GDAP1: variants seen among roughly 807,000 people sequenced by gnomAD.
GDAP1 encodes ganglioside induced differentiation associated protein 1, also known as ganglioside-induced differentiation-associated protein 1.
GDAP1 carries 34 observed loss-of-function variants against 40.1 expected under a neutral mutation model. The ratio of observed to expected loss-of-function variants is 0.85; its 90% CI spans 0.64 to 1.13. GDAP1 has a LOEUF of 1.13. Ranked by LOEUF, GDAP1 falls within the 50% of genes most tolerant of loss-of-function variation. The pLI is 0.00. For missense variants in GDAP1, 374 were observed against 433.7 expected (o/e 0.86, Z 1.22); for synonymous variants, 170 against 157.4 (o/e 1.08, Z -0.60).
At chr8:74,483,855 C>G (rs1408010310) in intron 2 of GDAP1, among the ~76,000 whole-genome samples, 1 of 152,158 alleles carries the variant, frequency 6.6e-6, no homozygotes, top group Non-Finnish European at 1.5e-5. Flanking sequence ...TCTCCTTCTG[C>G]TAAAGGCTGT....
intron 2 of GDAP1, among the ~76,000 whole-genome samples, chr8:74,422,370 C>T (rs185095989): frequency 0.015 from 1,781 of 115,450 alleles, 84 homozygotes; most frequent in African/African-American, 0.041. Flanking sequence ...TCCTTCCTTC[C>T]TTCCTTCCTT....
chr8:74,483,416 C>T (rs920516136), intron 2 of GDAP1, among the ~76,000 whole-genome samples: 8 of 152,084 alleles, frequency 5.3e-5, no homozygotes, highest in East Asian at 3.9e-4. Context: ...ATTACTTTTG[C>T]ACCAACCAAA....
chr8:74,423,894 G>T (rs1316320008), intron 2 of GDAP1, among the ~76,000 whole-genome samples: 3 of 152,112 alleles, frequency 2.0e-5, no homozygotes, highest in African/African-American at 7.2e-5. Context: ...AGAAGGGGAA[G>T]TTCCCTGGGT....
chr8:74,365,885 A>C lies in GDAP1; in HGVS notation c.*1518A>C. On this transcript the variant is annotated 3_prime_UTR_variant, in exon 6 of 6. Transcript: ENST00000220822. ...AAAATTTGCACATGAGTGTGTTGTC[A>C]TATGGAGTGTCTGAATCTGTTGCTG... The C allele has an allele frequency of 8.8e-6, 4 of 454,386 alleles. No individual in the cohort carries two copies. Among genetic ancestry groups the C allele is most frequent in the Non-Finnish European group, 1.3e-5 (3 of 226,788 alleles). The allele number at this position is 454,386 out of a possible 1,614,324, so 28.1% of individuals were successfully genotyped here.
intron 2 of GDAP1, among the ~76,000 whole-genome samples, chr8:74,409,005 A>G (rs549075244): frequency 6.7e-6 from 1 of 150,172 alleles, no homozygotes; most frequent in East Asian, 1.9e-4. Context: ...ATGTAGTCCC[A>G]GACTACCTTC....
chr8:74,357,979 A>C (rs984399145), intron 2 of GDAP1, among the ~76,000 whole-genome samples: 3 of 152,220 alleles, frequency 2.0e-5, no homozygotes, highest in Non-Finnish European at 2.9e-5. Context: ...AGCAGCAGAT[A>C]CTGTTGTGCT....
chr8:74,362,082 A>AGTTCACCG (rs758593282), intron 4 of GDAP1, 104 bp downstream of exon 4: 6 of 725,112 alleles, frequency 8.3e-6, no homozygotes, highest in Non-Finnish European at 1.5e-5. Context: ...TAAATATTGC[A>AGTTCACCG]GTTCACCAGT....
At position 74,364,221 on chromosome 8, in the gene GDAP1, G is replaced by T; in HGVS notation, c.931G>T (p.Val311Leu). ...TGCAGTGCTGCCAACAGCATTCCGG[G>T]TGGCCAAGAAAAGGGCCCCAAAAGT... ...ISAVLPTAFRVAKKRAPKVLG... is the reference protein window; with the variant it reads ...ISAVLPTAFRLAKKRAPKVLG... The change falls in exon 6 of 6, where the codon GTG becomes TTG. Residue 311 changes from valine to leucine, a missense_variant. Val to Leu is a conservative substitution (Grantham distance 32, BLOSUM62 1). Transcript: ENST00000220822. The T allele has an allele frequency of 6.2e-7, 1 of 1,614,170 alleles. No homozygotes were observed. The highest frequency in any genetic ancestry group is 8.5e-7 in the Non-Finnish European group (1 of 1,180,008).
intron 2 of GDAP1, among the ~76,000 whole-genome samples, chr8:74,467,662 T>G (rs1417018170): frequency 6.6e-6 from 1 of 152,092 alleles, no homozygotes; most frequent in Non-Finnish European, 1.5e-5. Context: ...GAGGTTGTAA[T>G]TATTGGAAAT....
intron 2 of GDAP1, among the ~76,000 whole-genome samples, chr8:74,356,716 A>ATATATATATATTT (rs375377157): frequency 4.8e-5 from 5 of 104,356 alleles, no homozygotes; most frequent in African/African-American, 1.7e-4. Context: ...ATATATATAT[A>ATATATATATATTT]TTTTTTTTTT....
intron 2 of GDAP1, among the ~76,000 whole-genome samples, chr8:74,381,152 G>T (rs1008534586): frequency 6.6e-6 from 1 of 151,942 alleles, no homozygotes; most frequent in Non-Finnish European, 1.5e-5. Flanking sequence ...TTATCAAATT[G>T]TTTATTTATA....
intron 2 of GDAP1, among the ~76,000 whole-genome samples, chr8:74,392,653 T>C (rs1810128416): frequency 1.3e-5 from 2 of 152,242 alleles, no homozygotes; most frequent in South Asian, 4.1e-4. Context: ...TGTGGAGCCA[T>C]GAACTACATT....
At chr8:74,403,932 G>A (rs535870967) in intron 2 of GDAP1, among the ~76,000 whole-genome samples, 3 of 150,102 alleles carry the variant, frequency 2.0e-5, no homozygotes, top group Non-Finnish European at 4.4e-5. Context: ...TGAGCAAAAT[G>A]TGTGAATAAC....
At chr8:74,425,316 A>T (rs1006730661) in intron 2 of GDAP1, among the ~76,000 whole-genome samples, 1 of 152,218 alleles carries the variant, frequency 6.6e-6, no homozygotes, top group Non-Finnish European at 1.5e-5. Context: ...AGTACTTATG[A>T]TTAACCTTAG....
chr8:74,378,613 G>A (rs1809899054), intron 2 of GDAP1, among the ~76,000 whole-genome samples: 1 of 152,162 alleles, frequency 6.6e-6, no homozygotes, highest in African/African-American at 2.4e-5. Context: ...CCTCAACTTA[G>A]TATCACTGCC....
intron 2 of GDAP1, among the ~76,000 whole-genome samples, chr8:74,414,487 A>T (rs892975647): frequency 6.7e-6 from 1 of 150,114 alleles, no homozygotes; most frequent in Admixed American, 6.6e-5. Flanking sequence ...AAGTAATTTC[A>T]TCTGAATAAC....
At chr8:74,483,171 G>A (rs1806734461) in intron 2 of GDAP1, among the ~76,000 whole-genome samples, 1 of 152,046 alleles carries the variant, frequency 6.6e-6, no homozygotes, top group African/African-American at 2.4e-5. Context: ...TTATTATTGG[G>A]CATTAATTAG....
intron 2 of GDAP1, among the ~76,000 whole-genome samples, chr8:74,466,028 C>T (rs1209509518): frequency 6.6e-6 from 1 of 152,204 alleles, no homozygotes; most frequent in African/African-American, 2.4e-5. Flanking sequence ...CGCAGACTCT[C>T]AAACTTTGGA....
chr8:74,399,905 G>A (rs200393836), intron 2 of GDAP1, among the ~76,000 whole-genome samples: 2 of 144,266 alleles, frequency 1.4e-5, no homozygotes, highest in Admixed American at 6.7e-5. Flanking sequence ...TTGCACTGTC[G>A]TCTGAGAGAC....
Sources: allele counts gnomAD v4.1 joint callset (sites outside exome capture counted in the v4.1 genomes callset), GRCh38; gene constraint gnomAD v4.1.1; transcripts MANE v1.5; gene names NCBI Gene and HGNC (gene_info 2026-07-23, HGNC 2026-07-21).